The following BRINP3 variants were observed in gnomAD, a reference collection of about 807,000 sequenced individuals.
BRINP3 encodes BMP/retinoic acid inducible neural specific 3, also known as BMP/retinoic acid-inducible neural-specific protein 3.
BRINP3 carries 19 observed loss-of-function variants against 71.0 expected under a neutral mutation model. That is an observed-to-expected ratio of 0.27 (90% CI 0.19 to 0.39). The LOEUF (loss-of-function observed/expected upper bound fraction) is 0.39. Among genes scored for constraint, BRINP3 ranks in the 10% least tolerant of loss-of-function variants. The pLI, the probability that BRINP3 is intolerant of heterozygous loss-of-function variation, is 1.00. For missense variants in BRINP3, 959 were observed against 940.8 expected (o/e 1.02, Z -0.25); for synonymous variants, 380 against 337.7 (o/e 1.13, Z -1.37).
chr1:190,192,375 G>C (rs1041591201), intron 6 of BRINP3, among the ~76,000 whole-genome samples: 3 of 151,962 alleles, frequency 2.0e-5, no homozygotes, highest in African/African-American at 7.2e-5. Flanking sequence ...GAATCACTAA[G>C]GAACATTAAA....
intron 2 of BRINP3, among the ~76,000 whole-genome samples, chr1:190,297,547 T>C (rs1664343368): frequency 6.6e-6 from 1 of 152,152 alleles, no homozygotes; most frequent in Non-Finnish European, 1.5e-5. Context: ...TTGAGGAATT[T>C]TTCCTTGATT....
intron 7 of BRINP3, among the ~76,000 whole-genome samples, chr1:190,124,268 C>T (rs1048972328): frequency 6.6e-6 from 1 of 152,184 alleles, no homozygotes; most frequent in Non-Finnish European, 1.5e-5. Context: ...TCACCCTCTT[C>T]TGTTCTGCTA....
At chr1:190,241,758 T>G (rs1659121731) in intron 4 of BRINP3, among the ~76,000 whole-genome samples, 1 of 151,902 alleles carries the variant, frequency 6.6e-6, no homozygotes, top group African/African-American at 2.4e-5. Context: ...TTTCTATTAT[T>G]TCCTAAAACA....
At chr1:190,409,333 T>C (rs544813543) in intron 2 of BRINP3, among the ~76,000 whole-genome samples, 6 of 152,264 alleles carry the variant, frequency 3.9e-5, no homozygotes, top group African/African-American at 7.2e-5. Flanking sequence ...AAGATAAATA[T>C]AAATGCCTGT....
chr1:190,423,050 G>T (rs1187611282), intron 2 of BRINP3, among the ~76,000 whole-genome samples: 1 of 151,746 alleles, frequency 6.6e-6, no homozygotes, highest in Non-Finnish European at 1.5e-5. Flanking sequence ...CTTCTCAGTA[G>T]AAAATAAGGG....
chr1:190,176,059 C>T (rs1421992743), intron 6 of BRINP3, among the ~76,000 whole-genome samples: 1 of 152,130 alleles, frequency 6.6e-6, no homozygotes, highest in Non-Finnish European at 1.5e-5. Context: ...TGTATTCACC[C>T]TTTATTTTTC....
intron 2 of BRINP3, among the ~76,000 whole-genome samples, chr1:190,400,412 G>C (rs2102352448): frequency 6.6e-6 from 1 of 152,184 alleles, no homozygotes; most frequent in Admixed American, 6.5e-5. Flanking sequence ...GATTAATGTA[G>C]TAAAGAAAAA....
intron 2 of BRINP3, among the ~76,000 whole-genome samples, chr1:190,332,998 T>A (rs1017439165): frequency 6.6e-6 from 1 of 151,928 alleles, no homozygotes; most frequent in East Asian, 1.9e-4. Flanking sequence ...GAAAAAAAAA[T>A]TCAGTACAAA....
chr1:190,301,418 T>A (rs374416244), intron 2 of BRINP3, among the ~76,000 whole-genome samples: 1 of 150,838 alleles, frequency 6.6e-6, no homozygotes, highest in East Asian at 1.9e-4. Context: ...TCACTTCACC[T>A]GTCAAAATAC....
chr1:190,462,427 C>A (rs982299662), intron 1 of BRINP3, among the ~76,000 whole-genome samples: 1 of 151,906 alleles, frequency 6.6e-6, no homozygotes, highest in Non-Finnish European at 1.5e-5. Flanking sequence ...ACAGCCAAAC[C>A]AAAATCCCCC....
intron 2 of BRINP3, among the ~76,000 whole-genome samples, chr1:190,300,551 T>C (rs1216986392): frequency 6.6e-6 from 1 of 152,152 alleles, no homozygotes; most frequent in Non-Finnish European, 1.5e-5. Context: ...AAGAGAGCAG[T>C]GGTTCTCCCA....
intron 6 of BRINP3, among the ~76,000 whole-genome samples, chr1:190,214,984 G>T (rs149783372): frequency 6.6e-6 from 1 of 150,598 alleles, no homozygotes; most frequent in Non-Finnish European, 1.5e-5. Context: ...TTTCTATCTT[G>T]AATGCCTTAC....
chr1:190,321,763 T>G (rs72729195), intron 2 of BRINP3, among the ~76,000 whole-genome samples: 1 of 152,198 alleles, frequency 6.6e-6, no homozygotes, highest in Non-Finnish European at 1.5e-5. Context: ...TACTGCATAT[T>G]TTCATCTGAA....
chr1:190,116,105 G>A (rs868717910), intron 7 of BRINP3, among the ~76,000 whole-genome samples: 16 of 152,084 alleles, frequency 1.1e-4, no homozygotes, highest in East Asian at 3.9e-4. Flanking sequence ...CTAAAGCTGC[G>A]TACAATACTG....
intron 2 of BRINP3, among the ~76,000 whole-genome samples, chr1:190,427,940 T>C (rs534975376): frequency 9.0e-4 from 136 of 151,550 alleles, no homozygotes; most frequent in Non-Finnish European, 1.7e-3. Context: ...TTCCTCTCTA[T>C]GTGTCCATGT....
chr1:190,127,493 T>A (rs1031296530), intron 7 of BRINP3, among the ~76,000 whole-genome samples: 2 of 151,882 alleles, frequency 1.3e-5, no homozygotes, highest in African/African-American at 4.8e-5. Flanking sequence ...TCTTTTCTTC[T>A]TTTTACAGTT....
intron 2 of BRINP3, among the ~76,000 whole-genome samples, chr1:190,301,260 T>TATATATATACACACATACATA: frequency 7.0e-6 from 1 of 142,674 alleles, no homozygotes; most frequent in Non-Finnish European, 1.5e-5. Context: ...TATATATATC[T>TATATATATACACACATACATA]TATCACAGTC....
In BRINP3 at chr1:190,226,186, A is replaced by G; in HGVS notation, c.857T>C (p.Phe286Ser). The stretch of plus-strand genomic sequence containing the variant: ...CATGGAGGGGCAGTTGCATTCTGGA[A>G]ATTTGGGACCACAGTGACACCAGCA... ...NDCWCHCGPKFPECNCPSMDI... is the reference protein window; with the variant it reads ...NDCWCHCGPKSPECNCPSMDI... Residue 286 changes from phenylalanine (F) to serine (S), a missense_variant, in exon 6 of 8, where the codon TTT (phenylalanine) becomes TCT (serine). Coordinates refer to ENST00000367462, the MANE Select transcript of BRINP3 (RefSeq NM_199051.3). The G allele has an allele frequency of 6.2e-7, 1 of 1,612,738 alleles. No individual in the cohort carries two copies. Among genetic ancestry groups the G allele is most frequent in the South Asian group, 1.1e-5 (1 of 91,036 alleles).
At chr1:190,250,096 C>T (rs1482061416) in intron 4 of BRINP3, among the ~76,000 whole-genome samples, 2 of 151,626 alleles carry the variant, frequency 1.3e-5, no homozygotes, top group Non-Finnish European at 2.9e-5. Context: ...GTAATTTAAC[C>T]TCAACCTTTT....
Sources: allele counts gnomAD v4.1 joint callset (sites outside exome capture counted in the v4.1 genomes callset), GRCh38; gene constraint gnomAD v4.1.1; transcripts MANE v1.5; gene names NCBI Gene and HGNC (gene_info 2026-07-23, HGNC 2026-07-21).